ADAMTS19: variants seen among roughly 807,000 people sequenced by gnomAD.
The protein encoded by ADAMTS19 is A disintegrin and metalloproteinase with thrombospondin motifs 19.
A neutral mutation model predicts 153.3 loss-of-function variants in ADAMTS19; 93 were observed. The observed-to-expected ratio is 0.61, with a 90% CI of 0.51 to 0.72. The LOEUF is 0.72. Ranked by LOEUF, ADAMTS19 falls within the 30% of genes least tolerant of loss-of-function variation. The pLI, the probability that ADAMTS19 is intolerant of heterozygous loss-of-function variation, is 0.00. For missense variants in ADAMTS19, 1,482 were observed against 1,552.1 expected (o/e 0.95, Z 0.76); for synonymous variants, 600 against 556.6 (o/e 1.08, Z -1.10).
chr5:129,513,217 T>A (rs982422460), intron 3 of ADAMTS19, among the ~76,000 whole-genome samples: 5 of 151,310 alleles, frequency 3.3e-5, no homozygotes, highest in African/African-American at 1.2e-4. Flanking sequence ...AAAAAAAAAG[T>A]ATTAATCTAA....
At chr5:129,656,521 A>T (rs1224581146) in intron 14 of ADAMTS19, among the ~76,000 whole-genome samples, 1 of 152,206 alleles carries the variant, frequency 6.6e-6, no homozygotes, top group Non-Finnish European at 1.5e-5. Flanking sequence ...AACGATAAGG[A>T]AGGCTGGAGC....
intron 10 of ADAMTS19, among the ~76,000 whole-genome samples, chr5:129,633,803 T>C (rs972788722): frequency 1.3e-5 from 2 of 152,166 alleles, no homozygotes; most frequent in African/African-American, 2.4e-5. Flanking sequence ...TCTGTGCTAT[T>C]TGTAGTGCGT....
chr5:129,568,867 A>T (rs1455328914), intron 7 of ADAMTS19, among the ~76,000 whole-genome samples: 1 of 152,032 alleles, frequency 6.6e-6, no homozygotes, highest in Non-Finnish European at 1.5e-5. Flanking sequence ...TTGAAAAAAT[A>T]TTCAAAAAAA....
chr5:129,712,267 C>A (rs1756517550), intron 21 of ADAMTS19, among the ~76,000 whole-genome samples: 1 of 152,074 alleles, frequency 6.6e-6, no homozygotes, highest in Non-Finnish European at 1.5e-5. Flanking sequence ...ATCAGTCCAT[C>A]ATCTAAAGAA....
At chr5:129,503,235 G>T (rs539228968) in intron 2 of ADAMTS19, among the ~76,000 whole-genome samples, 1 of 152,176 alleles carries the variant, frequency 6.6e-6, no homozygotes, top group East Asian at 1.9e-4. Flanking sequence ...TTATCTTTCT[G>T]AGCATACTGT....
At chr5:129,631,123 T>C (rs931211380) in intron 10 of ADAMTS19, among the ~76,000 whole-genome samples, 1 of 151,592 alleles carries the variant, frequency 6.6e-6, no homozygotes, top group Non-Finnish European at 1.5e-5. Context: ...CATACCACTA[T>C]TGGGAATATA....
intron 13 of ADAMTS19, among the ~76,000 whole-genome samples, chr5:129,651,601 C>T (rs1227494080): frequency 2.6e-5 from 4 of 152,118 alleles, no homozygotes; most frequent in African/African-American, 7.2e-5. Context: ...GCTTTGACAT[C>T]GTTCTTTATT....
At chr5:129,580,705 C>G (rs1267385834) in intron 7 of ADAMTS19, among the ~76,000 whole-genome samples, 1 of 152,020 alleles carries the variant, frequency 6.6e-6, no homozygotes, top group African/African-American at 2.4e-5. Flanking sequence ...TCATTTTTGT[C>G]ATTGGTTCTG....
At chr5:129,471,458 G>A (rs188738263) in intron 2 of ADAMTS19, among the ~76,000 whole-genome samples, 158 of 117,720 alleles carry the variant, frequency 1.3e-3, no homozygotes, top group Admixed American at 3.6e-3. Flanking sequence ...AAAGAAGGAA[G>A]GAAGGAAGGA....
At chr5:129,600,146 T>C (rs1750578501) in intron 8 of ADAMTS19, among the ~76,000 whole-genome samples, 1 of 152,128 alleles carries the variant, frequency 6.6e-6, no homozygotes, top group South Asian at 2.1e-4. Flanking sequence ...TCATAGTCTC[T>C]CTAGTAGGGA....
intron 6 of ADAMTS19, among the ~76,000 whole-genome samples, chr5:129,549,536 A>G (rs1403301764): frequency 6.6e-6 from 1 of 151,722 alleles, no homozygotes. Context: ...AGTACTTAAT[A>G]AACAATAAAC....
chr5:129,536,227 C>A (rs2126787100), intron 6 of ADAMTS19, among the ~76,000 whole-genome samples: 1 of 152,192 alleles, frequency 6.6e-6, no homozygotes. Context: ...AAAAAACAAA[C>A]AACCCCATCA....
At chr5:129,700,384 G>A (rs187873835) in intron 19 of ADAMTS19, among the ~76,000 whole-genome samples, 8 of 152,270 alleles carry the variant, frequency 5.3e-5, no homozygotes, top group African/African-American at 1.9e-4. Flanking sequence ...AGAAGCATGT[G>A]TAGCTCCATG....
chr5:129,642,926 C>T (rs1471314862), intron 11 of ADAMTS19, among the ~76,000 whole-genome samples: 3 of 151,980 alleles, frequency 2.0e-5, no homozygotes, highest in African/African-American at 7.3e-5. Flanking sequence ...CACACAGATG[C>T]TTAGGCAAGG....
chr5:129,528,422 T>C, intron 5 of ADAMTS19, 98 bp from the exon 6 acceptor site: 1 of 958,642 alleles, frequency 1.0e-6, no homozygotes, highest in African/African-American at 1.7e-5. Flanking sequence ...GCAGTTTGCT[T>C]TAGTAATTCA....
chr5:129,705,214 T>A (rs1447301876), intron 21 of ADAMTS19, among the ~76,000 whole-genome samples: 2 of 152,148 alleles, frequency 1.3e-5, no homozygotes, highest in African/African-American at 4.8e-5. Context: ...ATGCTTTAGA[T>A]GAGACATAAT....
At chr5:129,470,797 G>A (rs1181782681) in intron 2 of ADAMTS19, among the ~76,000 whole-genome samples, 2 of 152,128 alleles carry the variant, frequency 1.3e-5, no homozygotes, top group Non-Finnish European at 2.9e-5. Context: ...GGTGAGCCCA[G>A]GCCAGTTTGG....
chr5:129,705,578 A>C (rs1020650159), intron 21 of ADAMTS19, among the ~76,000 whole-genome samples: 2 of 152,242 alleles, frequency 1.3e-5, no homozygotes, highest in African/African-American at 4.8e-5. Flanking sequence ...TGTAAACAAC[A>C]TAAATCGATC....
intron 2 of ADAMTS19, among the ~76,000 whole-genome samples, chr5:129,498,420 T>C (rs1337146034): frequency 1.3e-5 from 2 of 152,080 alleles, no homozygotes; most frequent in Non-Finnish European, 2.9e-5. Flanking sequence ...TATTTTTCAT[T>C]TTGAAAAATG....
Sources: gnomAD v4.1 joint callset for allele counts (sites outside exome capture counted in the v4.1 genomes callset) on GRCh38, gnomAD v4.1.1 for gene constraint, MANE v1.5 for transcripts, NCBI Gene and HGNC (gene_info 2026-07-23, HGNC 2026-07-21) for gene names.